Variants in ACER1 observed in about 807,000 individuals in gnomAD.
ACER1 encodes the protein alkaline ceramidase 1.
In ACER1, 28 loss-of-function variants were observed where a neutral mutation model predicts 24.9. The ratio of observed to expected loss-of-function variants is 1.13; its 90% CI spans 0.83 to 1.54. The LOEUF (loss-of-function observed/expected upper bound fraction) is 1.54. Ranked by LOEUF, ACER1 falls within the 40% of genes most tolerant of loss-of-function variation. The probability of loss-of-function intolerance (pLI) is 0.00; values close to 1 mark genes in which losing one functional copy is unlikely to be tolerated. For missense variants in ACER1, 352 were observed against 349.3 expected, an observed-to-expected ratio of 1.01 and a Z score of -0.06; for synonymous variants, 132 against 131.4, an observed-to-expected ratio of 1.00 and a Z score of -0.03.
the ACER1 span, among the ~76,000 whole-genome samples, chr19:6,350,354 A>T: frequency 3.3e-5 from 5 of 152,124 alleles, no homozygotes; most frequent in Non-Finnish European, 7.3e-5. Flanking sequence ...ATACATATGT[A>T]ACAAACCTGC....
At chr19:6,311,022 A>T in intron 3 of ACER1, among the ~76,000 whole-genome samples, 1 of 151,742 alleles carries the variant, frequency 6.6e-6, no homozygotes, top group Non-Finnish European at 1.5e-5. Flanking sequence ...TAGGATGAGA[A>T]GAGGGTCCCA....
upstream of ACER1, among the ~76,000 whole-genome samples, chr19:6,334,666 C>T (rs1187971695): frequency 6.6e-6 from 1 of 152,064 alleles, no homozygotes; most frequent in African/African-American, 2.4e-5. Flanking sequence ...CTACTTTAAG[C>T]TGTGTGACCT....
chr19:6,311,555 AAGGAGG>A (rs763051777), intron 3 of ACER1, among the ~76,000 whole-genome samples: 1 of 150,944 alleles, frequency 6.6e-6, no homozygotes, highest in Non-Finnish European at 1.5e-5. Flanking sequence ...AAGGAAGAAG[AAGGAGG>A]AGGAGGAGGA....
the ACER1 span, among the ~76,000 whole-genome samples, chr19:6,359,462 G>A: frequency 6.6e-6 from 1 of 151,820 alleles, no homozygotes; most frequent in African/African-American, 2.4e-5. Flanking sequence ...GGGATTACAG[G>A]CATTCACCAC....
chr19:6,319,381 CG>C (rs2091619357), intron 1 of ACER1, among the ~76,000 whole-genome samples: 1 of 152,156 alleles, frequency 6.6e-6, no homozygotes. Flanking sequence ...CTCTGCCAGG[CG>C]GGGGAGACAC....
chr19:6,346,323 G>A, the ACER1 span, among the ~76,000 whole-genome samples: 3 of 151,824 alleles, frequency 2.0e-5, no homozygotes, highest in African/African-American at 4.8e-5. Context: ...AAAAAAGTTC[G>A]AGAAAAGTTT....
chr19:6,359,415 T>C, the ACER1 span, among the ~76,000 whole-genome samples: 1 of 150,908 alleles, frequency 6.6e-6, no homozygotes, highest in South Asian at 2.1e-4. Flanking sequence ...GCCTCCTGGG[T>C]TCAAGTGATT....
the ACER1 span, among the ~76,000 whole-genome samples, chr19:6,340,896 A>G: frequency 6.6e-6 from 1 of 152,104 alleles, no homozygotes; most frequent in Non-Finnish European, 1.5e-5. Flanking sequence ...GTAATGGCTT[A>G]GAACAGCACA....
upstream of ACER1, among the ~76,000 whole-genome samples, chr19:6,335,552 C>T (rs111468527): frequency 6.8e-3 from 1,041 of 152,124 alleles, 12 homozygotes; most frequent in African/African-American, 0.024. Context: ...AATCCTACCC[C>T]GGGTGCTGTG....
chr19:6,340,842 AGGCGT>A, the ACER1 span, among the ~76,000 whole-genome samples: 2 of 152,094 alleles, frequency 1.3e-5, no homozygotes, highest in East Asian at 3.9e-4. Context: ...TGACAAACAG[AGGCGT>A]GTGAGCTCTC....
intron 3 of ACER1, among the ~76,000 whole-genome samples, chr19:6,311,574 A>G (rs879258417): frequency 3.0e-4 from 45 of 151,286 alleles, no homozygotes; most frequent in Admixed American, 6.6e-4. Flanking sequence ...GAGGAGGAGG[A>G]AGAAAAAGAA....
the ACER1 span, among the ~76,000 whole-genome samples, chr19:6,352,594 A>G: frequency 3.3e-5 from 5 of 152,230 alleles, no homozygotes; most frequent in Non-Finnish European, 5.9e-5. Context: ...GCACTAACTA[A>G]CTGAAACACA....
the ACER1 span, among the ~76,000 whole-genome samples, chr19:6,344,396 T>C: frequency 0.26 from 40,174 of 151,660 alleles, 7,583 homozygotes; most frequent in African/African-American, 0.52. Context: ...GAGCCAAGAT[T>C]GTGCCATTGC....
rs145802500 is a variant in ACER1, at chr19:6,310,862, A to G, written c.351-1028T>C. Reference sequence around the variant, plus strand: ...CACTGCACTCCAGCCTGGGGGACACAGCGAGACTTCATCTAAAAAAAAAAA... The same window carrying G: ...CACTGCACTCCAGCCTGGGGGACACGGCGAGACTTCATCTAAAAAAAAAAA... On this transcript the variant is annotated intron_variant, in intron 3 of 5. Transcript: ENST00000301452. 2.7e-5 allele frequency among the ~76,000 whole-genome samples: 4 copies of G among 148,144 alleles called. No individual in the cohort carries two copies. The East Asian group carries it at 7.8e-4, about 29-fold the overall frequency.
chr19:6,323,418 C>CAA (rs368086357), intron 1 of ACER1, among the ~76,000 whole-genome samples: 23 of 128,364 alleles, frequency 1.8e-4, no homozygotes, highest in East Asian at 4.4e-4. Flanking sequence ...GACTCCGTCT[C>CAA]AAAAAAAAAA....
chr19:6,307,662 A>G (rs76486431), intron 4 of ACER1, among the ~76,000 whole-genome samples: 8,073 of 151,756 alleles, frequency 0.053, 340 homozygotes, highest in East Asian at 0.18. Context: ...ATGATGGTGC[A>G]TGCCTGCAGT....
In ACER1 at chr19:6,307,442, C is replaced by T. The variant is rs1430848971; in HGVS notation, c.489-152G>A. The T allele has an allele frequency of 3.7e-5, 31 of 844,768 alleles. No homozygotes were observed. In the East Asian group the frequency reaches 6.9e-4, roughly 19 times the overall value. 52.3% of individuals were successfully genotyped at this position (844,768 alleles called of 1,614,324 possible). ...GGTGCAAGCAGAGGGGGCCCAATCT[C>T]GTGCTTAGAACTAACACAGCATTTC... On this transcript the variant is annotated intron_variant, in intron 4 of 5. Coordinates refer to ENST00000301452, the MANE Select transcript of ACER1 (RefSeq NM_133492.3).
At chr19:6,344,994 T>C in the ACER1 span, among the ~76,000 whole-genome samples, 1 of 151,894 alleles carries the variant, frequency 6.6e-6, no homozygotes, top group African/African-American at 2.4e-5. Context: ...GCCTTCCAAG[T>C]ATCTGGGACT....
intron 1 of ACER1, among the ~76,000 whole-genome samples, chr19:6,324,444 T>G (rs940450988): frequency 2.0e-5 from 3 of 151,670 alleles, no homozygotes; most frequent in African/African-American, 7.3e-5. Context: ...TGGGGGACCT[T>G]GAAACTTCCA....
Sources: allele counts gnomAD v4.1 joint callset (sites outside exome capture counted in the v4.1 genomes callset), GRCh38; gene constraint gnomAD v4.1.1; transcripts MANE v1.5; gene names NCBI Gene and HGNC (gene_info 2026-07-23, HGNC 2026-07-21).